EEF1AKMT3: variants seen among roughly 807,000 people sequenced by gnomAD.
The protein encoded by EEF1AKMT3 is eEF1A-KMT3.
Under a neutral mutation model 17.8 loss-of-function variants are expected in EEF1AKMT3, and 17 were observed. The ratio of observed to expected loss-of-function variants is 0.96; its 90% CI spans 0.65 to 1.43. The LOEUF (loss-of-function observed/expected upper bound fraction) is 1.43. Ranked by LOEUF, EEF1AKMT3 falls within the 40% of genes most tolerant of loss-of-function variation. EEF1AKMT3 has a pLI of 0.00. For synonymous variants in EEF1AKMT3, 116 were observed against 126.5 expected (o/e 0.92, Z 0.56); for missense variants, 244 against 285.8 (o/e 0.85, Z 1.06).
Position 57,772,784 on chromosome 12 carries a change from C to T in EEF1AKMT3, c.60C>T (p.Val20=), listed in dbSNP as rs2140405869. The change falls in exon 1 of 3, where the codon GTC becomes GTT. Residue 20 remains valine (V), a synonymous_variant. Transcript: ENST00000300209. The surrounding 1 kb of genome is among the most constrained non-coding windows in gnomAD (Gnocchi z 4.1). ...SESESVFPRE[V]GLFADSYSEK... ...CGGAATCGGTGTTCCCGCGGGAGGT[C>T]GGGCTCTTTGCAGACTCTTACTCGG... The T allele has an allele frequency of 6.2e-7, 1 of 1,614,162 alleles. No individual in the cohort carries two copies. The highest frequency in any genetic ancestry group is 8.5e-7 in the Non-Finnish European group (1 of 1,179,990).
Position 57,772,916 on chromosome 12 carries a change from G to A in EEF1AKMT3, c.177+15G>A. ...TGTGGGACGCGGTGAGGAATGGGCT[G>A]CGCCGGGTGAGGGTCCGTGGGAGGT... On this transcript the variant is annotated intron_variant, in intron 1 of 2. Transcript: ENST00000300209. This position sits in a 1 kb window ranked among gnomAD's most constrained non-coding sequence, Gnocchi z 4.1. 1.2e-6 allele frequency: 2 copies of A among 1,613,600 alleles called. No individual in the cohort carries two copies. The highest frequency in any genetic ancestry group is 8.5e-7 in the Non-Finnish European group (1 of 1,179,624).
chr12:57,773,172 G>A, intron 2 of EEF1AKMT3, 44 bp downstream of exon 2: 1 of 1,584,460 alleles, frequency 6.3e-7, no homozygotes, highest in South Asian at 1.1e-5. Context: ...GGACCCAGGG[G>A]CGCGGAGAAA....
chr12:57,780,161 TC>T lies in EEF1AKMT3; in HGVS notation c.290-93del, dbSNP rs1223858464. 4.7e-6 allele frequency: 7 copies of T among 1,492,486 alleles called. No homozygotes were observed. In the East Asian group the frequency reaches 1.6e-4, roughly 34 times the overall value. The allele number at this position is 1,492,486 out of a possible 1,614,324, so 92.5% of individuals were successfully genotyped here. A position where few individuals can be genotyped will look rare whatever the true frequency, so the allele number is the denominator to read the frequency against. On this transcript the variant is annotated intron_variant, in intron 2 of 2. Coordinates refer to ENST00000300209, the MANE Select transcript of EEF1AKMT3 (RefSeq NM_015433.3). ...GCTCTGGGCTGTCAAGACATTGTCC[TC>T]TATGCTCTGAGGTCTCTGGACCTTC...
chr12:57,774,940 T>C (rs1458157919), intron 2 of EEF1AKMT3, among the ~76,000 whole-genome samples: 4 of 151,700 alleles, frequency 2.6e-5, no homozygotes, highest in Non-Finnish European at 5.9e-5. Context: ...ACCCCATCTC[T>C]ACTAAAAATA....
At chr12:57,778,307 T>TTTTTTTC (rs536788916) in intron 2 of EEF1AKMT3, among the ~76,000 whole-genome samples, 3 of 105,388 alleles carry the variant, frequency 2.8e-5, no homozygotes, top group East Asian at 4.2e-4. Flanking sequence ...TTTTTTTTTT[T>TTTTTTTC]TGAGACAGGT....
Position 57,782,531 on chromosome 12 carries a change from T to A in EEF1AKMT3, c.*1885T>A, listed in dbSNP as rs948648296. ...ATGCGCATTGAAAATAAACATAAAA[T>A]GTTACCCACATTTCTTGTGTTGTTG... On this transcript the variant is annotated 3_prime_UTR_variant, in exon 3 of 3. Coordinates refer to ENST00000300209, the MANE Select transcript of EEF1AKMT3 (RefSeq NM_015433.3). 2.1e-6 allele frequency: 1 copy of A among 483,604 alleles called. No homozygotes were observed. Among genetic ancestry groups the A allele is most frequent in the Non-Finnish European group, 3.7e-6 (1 of 271,470 alleles). The allele number at this position is 483,604 out of a possible 1,614,324, so 30.0% of individuals were successfully genotyped here.
In EEF1AKMT3 at chr12:57,773,121, G is replaced by A; in HGVS notation, c.282G>A (p.Ala94=). 6.2e-7 allele frequency: 1 copy of A among 1,614,152 alleles called. No individual in the cohort carries two copies. The highest frequency in any genetic ancestry group is 8.5e-7 in the Non-Finnish European group (1 of 1,180,014). Residue 94 remains alanine, a synonymous_variant, in exon 2 of 3, where the codon GCG becomes GCA. Transcript: ENST00000300209. ...CAGGCATCGTGGGGATCTTGGCAGC[G>A]CTGCAGGGTGCGTGAGCTGGCTTTT... ...AGTGIVGILA[A]LQGGDVTITD... is the part of the protein sequence containing the mutation.
rs1955507233 is a variant in EEF1AKMT3, at chr12:57,780,570, T to C, written c.605T>C (p.Leu202Pro). 3.7e-6 allele frequency: 6 copies of C among 1,613,928 alleles called. No individual in the cohort carries two copies. The highest frequency in any genetic ancestry group is 5.1e-6 in the Non-Finnish European group (6 of 1,180,032). Residue 202 changes from leucine to proline, a missense_variant, in exon 3 of 3, where the codon CTG becomes CCG. By Grantham distance (98) the Leu-to-Pro change is moderately conservative. Transcript: ENST00000300209. ...FQHLLPQHFQLELAQRDEDEN... is the reference protein window; with the variant it reads ...FQHLLPQHFQPELAQRDEDEN... ...CACCTCCTGCCCCAGCATTTCCAAC[T>C]GGAGCTGGCTCAGCGGGATGAGGAT...
chr12:57,774,786 G>A, intron 2 of EEF1AKMT3: 1 of 1,594,366 alleles, frequency 6.3e-7, no homozygotes, highest in Admixed American at 1.7e-5. Context: ...GAGGTGAACA[G>A]TGTGAACACA....
At chr12:57,777,024 T>C (rs372028763) in intron 2 of EEF1AKMT3, among the ~76,000 whole-genome samples, 12 of 152,348 alleles carry the variant, frequency 7.9e-5, no homozygotes, top group African/African-American at 2.9e-4. Flanking sequence ...CATCTACTTA[T>C]GTGACTGCAT....
Position 57,780,560 on chromosome 12 carries a change from C to T in EEF1AKMT3, c.595C>T (p.His199Tyr). ...CTTCTTTCAGCACCTCCTGCCCCAG[C>T]ATTTCCAACTGGAGCTGGCTCAGCG... ...ESFFQHLLPQ[H>Y]FQLELAQRDE... The change falls in exon 3 of 3, where the codon CAT becomes TAT. Residue 199 changes from histidine to tyrosine, a missense_variant. By Grantham distance (83) the His-to-Tyr change is moderately conservative. Coordinates refer to ENST00000300209, the MANE Select transcript of EEF1AKMT3 (RefSeq NM_015433.3). 1.2e-6 allele frequency: 2 copies of T among 1,614,022 alleles called. No individual in the cohort carries two copies. Among genetic ancestry groups the T allele is most frequent in the East Asian group, 2.2e-5 (1 of 44,882 alleles).
intron 2 of EEF1AKMT3, among the ~76,000 whole-genome samples, chr12:57,778,812 TTC>T (rs1955495677): frequency 6.6e-6 from 1 of 152,102 alleles, no homozygotes; most frequent in Non-Finnish European, 1.5e-5. Flanking sequence ...TCCTGTACTC[TTC>T]TCATCATAGC....
chr12:57,773,040 CGA>C lies in EEF1AKMT3; in HGVS notation c.205_206del (p.Gln70LysfsTer34). ...AGGCCCTGAGCCTGTGCAATTATTTCGAGAGTCAAAATGTGGATTTCCGAGGC... is the reference window on the plus strand; with the variant it reads ...AGGCCCTGAGCCTGTGCAATTATTTCGAGTCAAAATGTGGATTTCCGAGGC... Reference protein sequence around the residue: ...DAALSLCNYFESQNVDFRGKK... With the variant: ...DAALSLCNYFXSQNVDFRGKK... On this transcript the variant is annotated frameshift_variant, in exon 2 of 3. Transcript: ENST00000300209. LOFTEE classifies it high-confidence loss of function. 6.2e-7 allele frequency: 1 copy of C among 1,614,134 alleles called. No homozygotes were observed. Among genetic ancestry groups the C allele is most frequent in the Non-Finnish European group, 8.5e-7 (1 of 1,180,042 alleles).
Position 57,772,721 on chromosome 12 carries a change from C to A in EEF1AKMT3, c.-4C>A. 1 of 1,610,900 alleles carries A rather than the reference C, an allele frequency of 6.2e-7. No individual in the cohort carries two copies. The highest frequency in any genetic ancestry group is 8.5e-7 in the Non-Finnish European group (1 of 1,178,332). ...GGTGCCCAGGCACTCCCTTGGCGGGCCGGATGGCGGACCCCGGCCCAGATC... is the reference window on the plus strand; with the variant it reads ...GGTGCCCAGGCACTCCCTTGGCGGGACGGATGGCGGACCCCGGCCCAGATC... On this transcript the variant is annotated 5_prime_UTR_variant, in exon 1 of 3. Coordinates refer to ENST00000300209, the MANE Select transcript of EEF1AKMT3 (RefSeq NM_015433.3). This position sits in a 1 kb window ranked among gnomAD's most constrained non-coding sequence, Gnocchi z 4.1.
chr12:57,773,556 T>C (rs554440695), intron 2 of EEF1AKMT3, among the ~76,000 whole-genome samples: 4 of 152,212 alleles, frequency 2.6e-5, no homozygotes, highest in Non-Finnish European at 4.4e-5. Flanking sequence ...GCCTCCGAAG[T>C]AGCTGGAATT....
intron 2 of EEF1AKMT3, among the ~76,000 whole-genome samples, chr12:57,777,070 A>G (rs1245007067): frequency 1.3e-5 from 2 of 152,128 alleles, no homozygotes; most frequent in Admixed American, 6.5e-5. Flanking sequence ...TCCTGTTACC[A>G]TGGATGAACA....
chr12:57,776,851 ATGTTGG>A (rs1955483393), intron 2 of EEF1AKMT3, among the ~76,000 whole-genome samples: 1 of 152,050 alleles, frequency 6.6e-6, no homozygotes, highest in Non-Finnish European at 1.5e-5. Flanking sequence ...GGGTTTCACC[ATGTTGG>A]CCAGGCTGGT....
intron 2 of EEF1AKMT3, chr12:57,774,810 C>A: frequency 6.4e-7 from 1 of 1,558,090 alleles, no homozygotes; most frequent in Non-Finnish European, 8.7e-7. Context: ...GGCTCAGAAA[C>A]ACTGGAGGGT....
At position 57,781,562 on chromosome 12, in the gene EEF1AKMT3, CTG is replaced by C. The variant is rs1955515516; in HGVS notation, c.*918_*919del. 2.7e-5 allele frequency: 2 copies of C among 74,714 alleles called. No homozygotes were observed. The highest frequency in any genetic ancestry group is 6.8e-5 in the African/African-American group (2 of 29,506). 4.6% of individuals were successfully genotyped at this position (74,714 alleles called of 1,614,324 possible). Reference sequence around the variant, plus strand: ...TAAGGCTGCAGAGCTGTCCTTTGGACTGTATTTCTTCATGCTTTCCAGAGTTA... The same window carrying C: ...TAAGGCTGCAGAGCTGTCCTTTGGACTATTTCTTCATGCTTTCCAGAGTTA... On this transcript the variant is annotated 3_prime_UTR_variant, in exon 3 of 3. Coordinates refer to ENST00000300209, the MANE Select transcript of EEF1AKMT3 (RefSeq NM_015433.3).
Sources: gnomAD v4.1 joint callset for allele counts (sites outside exome capture counted in the v4.1 genomes callset) on GRCh38, gnomAD v4.1.1 for gene constraint, Gnocchi (gnomAD v3.1) non-coding constraint, MANE v1.5 for transcripts, NCBI Gene and HGNC (gene_info 2026-07-23, HGNC 2026-07-21) for gene names.